SYTL3: variants seen among roughly 807,000 people sequenced by gnomAD.
SYTL3 encodes synaptotagmin-like protein 3.
SYTL3 carries 88 observed loss-of-function variants against 82.1 expected under a neutral mutation model. That is an observed-to-expected ratio of 1.07 (90% CI 0.90 to 1.28). SYTL3 has a LOEUF of 1.28. Among genes scored for constraint, SYTL3 ranks in the 50% most tolerant of loss-of-function variants. SYTL3 has a pLI of 0.00. For synonymous variants in SYTL3, 311 were observed against 289.4 expected, an observed-to-expected ratio of 1.07 and a Z score of -0.76; for missense variants, 831 against 757.6, an observed-to-expected ratio of 1.10 and a Z score of -1.14.
intron 2 of SYTL3, among the ~76,000 whole-genome samples, chr6:158,658,128 G>A (rs531333741): frequency 1.3e-5 from 2 of 152,216 alleles, no homozygotes; most frequent in South Asian, 2.1e-4. Context: ...TCCTGACCTC[G>A]TGATCCGCCT....
chr6:158,663,428 T>G, intron 4 of SYTL3, 50 bp downstream of exon 4: 6 of 1,598,540 alleles, frequency 3.8e-6, no homozygotes, highest in Non-Finnish European at 5.1e-6. Context: ...CTTTCTCTGC[T>G]TGGGGCCTGC....
chr6:158,706,971 CT>C (rs1443086330), intron 6 of SYTL3, among the ~76,000 whole-genome samples: 1 of 152,124 alleles, frequency 6.6e-6, no homozygotes, highest in Non-Finnish European at 1.5e-5. Context: ...GTTTAAATGA[CT>C]TTAGGAGAGT....
At chr6:158,672,556 CT>C (rs549428783) in intron 5 of SYTL3, among the ~76,000 whole-genome samples, 4,933 of 126,056 alleles carry the variant, frequency 0.039, 250 homozygotes, top group African/African-American at 0.13. Flanking sequence ...TTTTTTGTTT[CT>C]TTTTTTTTTT....
intron 10 of SYTL3, among the ~76,000 whole-genome samples, chr6:158,719,616 G>A (rs942069261): frequency 2.6e-5 from 4 of 152,158 alleles, no homozygotes; most frequent in Admixed American, 2.6e-4. Flanking sequence ...AGCTTCCCGG[G>A]GTCTACAGAA....
At chr6:158,645,505 T>C (rs1583083540), upstream of SYTL3, among the ~76,000 whole-genome samples, 1 of 152,192 alleles carries the variant, frequency 6.6e-6, no homozygotes, top group East Asian at 1.9e-4. Flanking sequence ...GTCATGCACT[T>C]GAATTCAGGT....
At chr6:158,687,111 A>C (rs1052857566) in intron 6 of SYTL3, among the ~76,000 whole-genome samples, 1 of 152,224 alleles carries the variant, frequency 6.6e-6, no homozygotes, top group African/African-American at 2.4e-5. Context: ...GCCTCTTTCC[A>C]CGCACTGGTT....
chr6:158,741,947 C>T (rs1346226962), intron 11 of SYTL3, among the ~76,000 whole-genome samples: 1 of 152,168 alleles, frequency 6.6e-6, no homozygotes, highest in African/African-American at 2.4e-5. Context: ...TTCCGATGGC[C>T]GCCACTACGC....
At chr6:158,738,434 A>G (rs1786488644) in intron 11 of SYTL3, among the ~76,000 whole-genome samples, 2 of 151,910 alleles carry the variant, frequency 1.3e-5, no homozygotes, top group Non-Finnish European at 2.9e-5. Flanking sequence ...TTCTTTCCCC[A>G]CCCGCAATAG....
At chr6:158,693,855 C>CTTT (rs575358067) in intron 6 of SYTL3, among the ~76,000 whole-genome samples, 10 of 96,864 alleles carry the variant, frequency 1.0e-4, no homozygotes, top group South Asian at 3.2e-4. Flanking sequence ...TTTTTCTTTT[C>CTTT]TTTTTTTTTT....
At chr6:158,674,031 C>A (rs1462225340) in intron 5 of SYTL3, among the ~76,000 whole-genome samples, 1 of 150,096 alleles carries the variant, frequency 6.7e-6, no homozygotes, top group East Asian at 2.0e-4. Flanking sequence ...TTGCAATGAG[C>A]CGAGATCGCA....
At chr6:158,725,907 T>C (rs557470728) in intron 11 of SYTL3, 2 of 689,314 alleles carry the variant, frequency 2.9e-6, no homozygotes, top group Non-Finnish European at 5.4e-6. Flanking sequence ...TGTAGCTTTC[T>C]ATAATGCAGC....
intron 14 of SYTL3, among the ~76,000 whole-genome samples, chr6:158,757,846 G>C (rs1789346581): frequency 6.6e-6 from 1 of 152,230 alleles, no homozygotes; most frequent in Admixed American, 6.5e-5. Context: ...GGCTGGACCC[G>C]ATGCTGTGAG....
At chr6:158,714,472 T>C (rs901694603) in intron 9 of SYTL3, among the ~76,000 whole-genome samples, 1 of 152,226 alleles carries the variant, frequency 6.6e-6, no homozygotes, top group Admixed American at 6.5e-5. Context: ...GCCTTTCTCC[T>C]CTCCTCCTTG....
At chr6:158,666,973 C>G (rs1326282126) in intron 5 of SYTL3, among the ~76,000 whole-genome samples, 1 of 152,244 alleles carries the variant, frequency 6.6e-6, no homozygotes, top group African/African-American at 2.4e-5. Context: ...GTCCTTCAGG[C>G]TTTTCCTTGC....
chr6:158,733,193 T>G (rs1169378228), intron 11 of SYTL3, among the ~76,000 whole-genome samples: 1 of 152,222 alleles, frequency 6.6e-6, no homozygotes, highest in African/African-American at 2.4e-5. Context: ...AATGAAGATA[T>G]TTGTGCTGAA....
intron 11 of SYTL3, among the ~76,000 whole-genome samples, chr6:158,742,680 A>G (rs1219883722): frequency 6.6e-6 from 1 of 151,044 alleles, no homozygotes; most frequent in Non-Finnish European, 1.5e-5. Context: ...GATTCAAGCT[A>G]TTATCCTGCC....
chr6:158,663,069 AGGCT>A lies in SYTL3; in HGVS notation c.-199_-196del, dbSNP rs1435956123. ...ACTCCGACAAACGCAGAACTTCTTG[AGGCT>A]TTCTTCTTCTAAGGAGTATGACACA... On this transcript the variant is annotated 5_prime_UTR_variant, in exon 4 of 18. Coordinates refer to ENST00000611299, the MANE Select transcript of SYTL3 (RefSeq NM_001242394.2). 1 of 480,216 alleles carries A rather than the reference AGGCT, an allele frequency of 2.1e-6. No individual in the cohort carries two copies. Among genetic ancestry groups the A allele is most frequent in the Non-Finnish European group, 3.7e-6 (1 of 270,704 alleles). The allele number at this position is 480,216 out of a possible 1,614,324, so 29.7% of individuals were successfully genotyped here. A position where few individuals can be genotyped will look rare whatever the true frequency, so the allele number is the denominator to read the frequency against.
intron 11 of SYTL3, 113 bp from the exon 12 acceptor site, chr6:158,745,367 T>C: frequency 1.1e-6 from 1 of 907,716 alleles, no homozygotes; most frequent in Non-Finnish European, 1.6e-6. Flanking sequence ...TAACTTGATG[T>C]GAGTCAGGAT....
At chr6:158,688,855 AG>A (rs745710979) in intron 6 of SYTL3, among the ~76,000 whole-genome samples, 119 of 152,360 alleles carry the variant, frequency 7.8e-4, no homozygotes, top group Non-Finnish European at 1.5e-3. Context: ...TGGTATTTTT[AG>A]GCAAAAAATT....
Sources: allele counts gnomAD v4.1 joint callset (sites outside exome capture counted in the v4.1 genomes callset), GRCh38; gene constraint gnomAD v4.1.1; transcripts MANE v1.5; gene names NCBI Gene and HGNC (gene_info 2026-07-23, HGNC 2026-07-21).